EIF4E2: variants seen among roughly 807,000 people sequenced by gnomAD.
EIF4E2 encodes eukaryotic translation initiation factor 4E family member 2.
EIF4E2 carries 13 observed loss-of-function variants against 34.2 expected under a neutral mutation model. The ratio of observed to expected loss-of-function variants is 0.38; its 90% CI spans 0.25 to 0.60. The LOEUF (loss-of-function observed/expected upper bound fraction) is 0.60, where lower values mean the gene tolerates loss of function less well. EIF4E2 is among the 20% of genes least tolerant of loss of function. EIF4E2 has a pLI of 0.62. For missense variants in EIF4E2, 222 were observed against 315.1 expected, an observed-to-expected ratio of 0.70 and a Z score of 2.24; for synonymous variants, 100 against 106.6, an observed-to-expected ratio of 0.94 and a Z score of 0.38.
At chr2:232,552,817 A>G (rs1692392728) in intron 1 of EIF4E2, among the ~76,000 whole-genome samples, 1 of 152,210 alleles carries the variant, frequency 6.6e-6, no homozygotes, top group African/African-American at 2.4e-5. Flanking sequence ...AAGAAAAACA[A>G]GCTTTCTTTC....
intron 6 of EIF4E2, among the ~76,000 whole-genome samples, chr2:232,578,948 T>C (rs1477125717): frequency 1.3e-5 from 2 of 152,164 alleles, no homozygotes; most frequent in East Asian, 3.8e-4. Flanking sequence ...CCTGATAGAC[T>C]TGTGGTGTCC....
intron 6 of EIF4E2, among the ~76,000 whole-genome samples, chr2:232,575,364 C>G (rs529105175): frequency 1.1e-5 from 1 of 94,172 alleles, no homozygotes; most frequent in Admixed American, 9.0e-5. Context: ...CCTGCACACA[C>G]AAGTGATGCC....
intron 6 of EIF4E2, among the ~76,000 whole-genome samples, chr2:232,575,110 G>T (rs1031300601): frequency 1.3e-4 from 20 of 152,214 alleles, no homozygotes; most frequent in African/African-American, 4.8e-4. Flanking sequence ...AACTACCCCT[G>T]CCACTAACAT....
chr2:232,576,539 C>T (rs1232277409), intron 6 of EIF4E2, among the ~76,000 whole-genome samples: 1 of 152,084 alleles, frequency 6.6e-6, no homozygotes, highest in African/African-American at 2.4e-5. Flanking sequence ...ACGAAGAGAA[C>T]ACTCGTGGTT....
rs1283026280 is a variant in EIF4E2, at chr2:232,580,974, G to A, written c.*31G>A. The A allele has an allele frequency of 1.9e-6, 3 of 1,547,308 alleles. No homozygotes were observed. The African/African-American group carries it at 4.1e-5, about 21-fold the overall frequency. On this transcript the variant is annotated 3_prime_UTR_variant, in exon 7 of 7. Coordinates refer to the EIF4E2 transcript ENST00000409098. ...CACAAGCTGGCAATAATCCTTTTCT[G>A]TATGTGTGTGTTTGTCCGAAATGGA...
intron 6 of EIF4E2, among the ~76,000 whole-genome samples, chr2:232,576,499 G>A (rs780736536): frequency 1.1e-4 from 15 of 141,002 alleles, no homozygotes; most frequent in East Asian, 4.7e-4. Flanking sequence ...TGTGGCCCCC[G>A]TGTCTTTTTT....
intron 6 of EIF4E2, among the ~76,000 whole-genome samples, chr2:232,575,932 G>C (rs371721740): frequency 1.3e-5 from 2 of 151,960 alleles, no homozygotes; most frequent in African/African-American, 4.8e-5. Flanking sequence ...TTTGCTGGGC[G>C]CAGTGGCTCA....
Position 232,569,167 on chromosome 2 carries a change from G to T in EIF4E2, c.*150G>T. On this transcript the variant is annotated 3_prime_UTR_variant, in exon 7 of 7. Coordinates refer to ENST00000258416, the MANE Select transcript of EIF4E2 (RefSeq NM_004846.4). ...TTTAAGAACAGGCTGACACGCAGCA[G>T]CTACAACAACAGCTGAGATCACTTA... 2 of 1,458,424 alleles carry T rather than the reference G, an allele frequency of 1.4e-6. No homozygotes were observed. Among genetic ancestry groups the T allele is most frequent in the Non-Finnish European group, 1.8e-6 (2 of 1,107,032 alleles). The allele number at this position is 1,458,424 out of a possible 1,614,324, so 90.3% of individuals were successfully genotyped here. A position where few individuals can be genotyped will look rare whatever the true frequency, so the allele number is the denominator to read the frequency against.
chr2:232,550,765 C>T, intron 1 of EIF4E2, 21 bp downstream of exon 1: 7 of 1,558,030 alleles, frequency 4.5e-6, no homozygotes, highest in Non-Finnish European at 6.1e-6. Flanking sequence ...CGTGGCCGCC[C>T]CCGGGGCCCC....
At chr2:232,574,135 A>C, downstream of EIF4E2, 1 of 942,420 alleles carries the variant, frequency 1.1e-6, no homozygotes, top group Non-Finnish European at 1.7e-6. Context: ...CTCTGCTCCC[A>C]GGTACCTGTG....
In EIF4E2 at chr2:232,569,182, GA is replaced by G; in HGVS notation, c.*166del. The G allele has an allele frequency of 6.9e-7, 1 of 1,442,786 alleles. No homozygotes were observed. Among genetic ancestry groups the G allele is most frequent in the Non-Finnish European group, 9.1e-7 (1 of 1,100,550 alleles). The allele number at this position is 1,442,786 out of a possible 1,614,324, so 89.4% of individuals were successfully genotyped here. A position where few individuals can be genotyped will look rare whatever the true frequency, so the allele number is the denominator to read the frequency against. ...ACACGCAGCAGCTACAACAACAGCT[GA>G]GATCACTTAATAAATGGTGCTAAAC... is the stretch of plus-strand genomic sequence containing the variant. On this transcript the variant is annotated 3_prime_UTR_variant, in exon 7 of 7. Coordinates refer to ENST00000258416, the MANE Select transcript of EIF4E2 (RefSeq NM_004846.4).
chr2:232,556,653 T>A, intron 2 of EIF4E2, 123 bp downstream of exon 2: 1 of 706,724 alleles, frequency 1.4e-6, no homozygotes, highest in Non-Finnish European at 2.4e-6. Flanking sequence ...ATATCTGACT[T>A]TGTTCTCAGA....
intron 3 of EIF4E2, among the ~76,000 whole-genome samples, chr2:232,560,344 G>A: frequency 6.6e-6 from 1 of 152,172 alleles, no homozygotes; most frequent in East Asian, 1.9e-4. Flanking sequence ...TACACAAAAA[G>A]TAACTAAAAA....
rs750359341 is a variant in EIF4E2 at position 232,556,541 on chromosome 2, GCTGCA to G, written c.135+13_135+17del. ...AGTAGCAAGAGAAAGGTGAGTGTTG[GCTGCA>G]CAGATGTAGTTGCCTTTGAACTTGA... On this transcript the variant is annotated intron_variant, in intron 2 of 6. Coordinates refer to ENST00000258416, the MANE Select transcript of EIF4E2 (RefSeq NM_004846.4). The G allele has an allele frequency of 6.9e-6, 11 of 1,584,802 alleles. No homozygotes were observed. The African/African-American group carries it at 1.4e-4, about 20-fold the overall frequency.
chr2:232,559,928 C>G (rs535801912), intron 3 of EIF4E2, among the ~76,000 whole-genome samples: 90 of 151,682 alleles, frequency 5.9e-4, no homozygotes, highest in African/African-American at 2.2e-3. Context: ...GAGGTTAAGA[C>G]TACAGTGAGC....
At chr2:232,567,398 A>AT in intron 6 of EIF4E2, 184 bp downstream of exon 6, 1 of 1,416,548 alleles carries the variant, frequency 7.1e-7, no homozygotes. Flanking sequence ...CCTGCCACCT[A>AT]TACTACCAGG....
intron 6 of EIF4E2, chr2:232,574,404 TC>T: frequency 6.6e-7 from 1 of 1,506,450 alleles, no homozygotes. Context: ...GGACCCCTCT[TC>T]CCATTTACCC....
chr2:232,556,277 T>A, intron 1 of EIF4E2, 139 bp from the exon 2 acceptor site: 1 of 640,048 alleles, frequency 1.6e-6, no homozygotes, highest in Non-Finnish European at 2.7e-6. Flanking sequence ...CTGTGTTATT[T>A]TGCCCTTCTT....
chr2:232,550,986 C>T (rs1692290021), intron 1 of EIF4E2: 1 of 612,686 alleles, frequency 1.6e-6, no homozygotes, highest in Non-Finnish European at 2.9e-6. Context: ...GGAGGGGTGG[C>T]TGTGCCGCCC....
Sources: allele counts gnomAD v4.1 joint callset (sites outside exome capture counted in the v4.1 genomes callset), GRCh38; gene constraint gnomAD v4.1.1; transcripts MANE v1.5; gene names NCBI Gene and HGNC (gene_info 2026-07-23, HGNC 2026-07-21).